MDGA2: variants seen among roughly 807,000 people sequenced by gnomAD.
The protein encoded by MDGA2 is MAM domain containing glycosylphosphatidylinositol anchor 2.
A neutral mutation model predicts 117.8 loss-of-function variants in MDGA2; 40 were observed. The ratio of observed to expected loss-of-function variants is 0.34; its 90% CI spans 0.26 to 0.44. The LOEUF (loss-of-function observed/expected upper bound fraction) is 0.44, where lower values mean the gene tolerates loss of function less well. Ranked by LOEUF, MDGA2 falls within the 20% of genes least tolerant of loss-of-function variation. The pLI, the probability that MDGA2 is intolerant of heterozygous loss-of-function variation, is 1.00. For synonymous variants in MDGA2, 452 were observed against 439.0 expected (o/e 1.03, Z -0.37); for missense variants, 1,123 against 1,250.6 (o/e 0.90, Z 1.54).
intron 3 of MDGA2, chr14:47,200,884 G>T: frequency 1.2e-6 from 1 of 859,726 alleles, no homozygotes. Context: ...ACACCTTAAG[G>T]CAGTCCAGAG....
At chr14:47,417,419 A>G (rs1892496367) in intron 1 of MDGA2, among the ~76,000 whole-genome samples, 1 of 152,084 alleles carries the variant, frequency 6.6e-6, no homozygotes, top group Non-Finnish European at 1.5e-5. Flanking sequence ...CATATTCTTC[A>G]TCTCCACCTG....
intron 2 of MDGA2, among the ~76,000 whole-genome samples, chr14:47,292,368 T>C (rs1189751002): frequency 2.0e-5 from 3 of 152,168 alleles, no homozygotes; most frequent in Non-Finnish European, 4.4e-5. Context: ...GTGAGGATCC[T>C]GCTTGTTGCT....
At chr14:47,205,797 C>G (rs1885661828) in intron 3 of MDGA2, among the ~76,000 whole-genome samples, 1 of 151,996 alleles carries the variant, frequency 6.6e-6, no homozygotes, top group African/African-American at 2.4e-5. Flanking sequence ...TCAGCTACTA[C>G]AACAATTATC....
At chr14:47,588,081 T>C (rs1390127672) in intron 1 of MDGA2, among the ~76,000 whole-genome samples, 1 of 151,726 alleles carries the variant, frequency 6.6e-6, no homozygotes, top group Non-Finnish European at 1.5e-5. Context: ...TGAATAATAT[T>C]CAATTATATA....
intron 3 of MDGA2, among the ~76,000 whole-genome samples, chr14:47,204,978 TATTG>T (rs1885630752): frequency 6.6e-6 from 1 of 151,976 alleles, no homozygotes; most frequent in Admixed American, 6.6e-5. Flanking sequence ...AGAGGGCTTC[TATTG>T]ATTGCTTTCT....
intron 1 of MDGA2, among the ~76,000 whole-genome samples, chr14:47,422,242 A>T (rs1202655155): frequency 6.6e-6 from 1 of 152,208 alleles, no homozygotes; most frequent in Non-Finnish European, 1.5e-5. Context: ...ACTAAAAAGG[A>T]ACTATGAGTG....
intron 9 of MDGA2, among the ~76,000 whole-genome samples, chr14:46,929,563 T>C (rs1353097554): frequency 1.5e-5 from 2 of 134,014 alleles, no homozygotes; most frequent in Non-Finnish European, 3.1e-5. Context: ...CAAATGTATA[T>C]ATATCAAGTA....
intron 2 of MDGA2, among the ~76,000 whole-genome samples, chr14:47,234,521 G>A (rs1034825496): frequency 6.6e-6 from 1 of 152,030 alleles, no homozygotes; most frequent in African/African-American, 2.4e-5. Context: ...TGATTCCCAA[G>A]AAGTCCTGGG....
At chr14:47,229,687 G>A (rs1315212278) in intron 2 of MDGA2, among the ~76,000 whole-genome samples, 1 of 151,280 alleles carries the variant, frequency 6.6e-6, no homozygotes, top group African/African-American at 2.4e-5. Context: ...CAGCTCATGA[G>A]AGAAAAAATA....
At position 47,280,200 on chromosome 14, in the gene MDGA2, G is replaced by T. The variant is rs183322882; in HGVS notation, c.420+21211C>A. On this transcript the variant is annotated intron_variant, in intron 2 of 16. Transcript: ENST00000399232. ...GTGGTGGTACATGCCTGTAATCCCA[G>T]CTACTCGGGACGCTGAGGCAGGAGA... 4.4e-3 allele frequency among the ~76,000 whole-genome samples: 663 copies of T among 150,534 alleles called. 8 individuals carry two copies. Among genetic ancestry groups the T allele is most frequent in the African/African-American group, 0.015 (629 of 40,992 alleles).
In MDGA2 at chr14:47,561,171, G is replaced by GTTTTTT. The variant is rs1594918273; in HGVS notation, c.280+113345_280+113346insAAAAAA. 4.2e-4 allele frequency among the ~76,000 whole-genome samples: 29 copies of GTTTTTT among 68,466 alleles called. 3 individuals carry two copies. Among genetic ancestry groups the GTTTTTT allele is most frequent in the Non-Finnish European group, 7.9e-4 (28 of 35,608 alleles). The allele number at this position is 68,466 out of a possible 152,430, so 44.9% of individuals were successfully genotyped here. On this transcript the variant is annotated intron_variant, in intron 1 of 16. Transcript: ENST00000399232. ...TTTTTTTGTTTTGTTTTGTTTTTTT[G>GTTTTTT]TTTGTTTGTTTTTTTTTGCTTAGGA...
chr14:47,499,095 C>T (rs901924524), intron 1 of MDGA2, among the ~76,000 whole-genome samples: 6 of 151,910 alleles, frequency 3.9e-5, no homozygotes, highest in African/African-American at 1.4e-4. Flanking sequence ...AATCTTAGTC[C>T]ATATTTGAAA....
At chr14:46,878,195 A>G (rs1882307428) in intron 11 of MDGA2, among the ~76,000 whole-genome samples, 1 of 152,026 alleles carries the variant, frequency 6.6e-6, no homozygotes, top group Non-Finnish European at 1.5e-5. Flanking sequence ...AGTGCCAATG[A>G]ATTTCCACCC....
At chr14:47,128,540 T>C (rs1229325874) in intron 5 of MDGA2, among the ~76,000 whole-genome samples, 1 of 152,148 alleles carries the variant, frequency 6.6e-6, no homozygotes, top group Non-Finnish European at 1.5e-5. Context: ...CCATGAAGAA[T>C]AACATAATTA....
intron 8 of MDGA2, among the ~76,000 whole-genome samples, chr14:47,007,604 T>C (rs1887756699): frequency 1.3e-5 from 2 of 151,786 alleles, no homozygotes; most frequent in South Asian, 4.1e-4. Context: ...GGAATAAAAC[T>C]TTACGTAGCC....
intron 9 of MDGA2, among the ~76,000 whole-genome samples, chr14:46,926,330 A>G (rs1362542884): frequency 2.0e-5 from 3 of 152,194 alleles, no homozygotes; most frequent in Non-Finnish European, 4.4e-5. Flanking sequence ...ATCAAAAATA[A>G]TAAAACCTAA....
chr14:47,270,881 G>C (rs1190773837), intron 2 of MDGA2, among the ~76,000 whole-genome samples: 1 of 152,070 alleles, frequency 6.6e-6, no homozygotes, highest in African/African-American at 2.4e-5. Context: ...AACAAAAGAG[G>C]CTTGTTTACT....
chr14:47,030,872 G>T (rs967622103), intron 8 of MDGA2, among the ~76,000 whole-genome samples: 3 of 151,958 alleles, frequency 2.0e-5, no homozygotes, highest in African/African-American at 7.2e-5. Flanking sequence ...GTGGTAACTG[G>T]CAATTGTAGA....
chr14:47,249,806 G>GA (rs879303193), intron 2 of MDGA2, among the ~76,000 whole-genome samples: 3 of 151,940 alleles, frequency 2.0e-5, no homozygotes, highest in Non-Finnish European at 4.4e-5. Context: ...CTTATTTACT[G>GA]AAAAAAAGTT....
Sources: gnomAD v4.1 joint callset for allele counts (sites outside exome capture counted in the v4.1 genomes callset) on GRCh38, gnomAD v4.1.1 for gene constraint, MANE v1.5 for transcripts, NCBI Gene and HGNC (gene_info 2026-07-23, HGNC 2026-07-21) for gene names.